The following FNIP2 variants were observed in gnomAD, a reference collection of about 807,000 sequenced individuals.
FNIP2 encodes the protein folliculin-interacting protein 2.
In FNIP2, 32 loss-of-function variants were observed where a neutral mutation model predicts 108.7. The observed-to-expected ratio is 0.29, with a 90% CI of 0.22 to 0.40. The LOEUF (loss-of-function observed/expected upper bound fraction) is 0.40, where lower values mean the gene tolerates loss of function less well. Among genes scored for constraint, FNIP2 ranks in the 10% least tolerant of loss-of-function variants. FNIP2 has a pLI of 1.00. For missense variants in FNIP2, 1,202 were observed against 1,381.6 expected (o/e 0.87, Z 2.06); for synonymous variants, 480 against 496.7 (o/e 0.97, Z 0.45).
chr4:158,818,549 T>C (rs561472749), intron 1 of FNIP2, among the ~76,000 whole-genome samples: 1 of 152,364 alleles, frequency 6.6e-6, no homozygotes, highest in South Asian at 2.1e-4. Flanking sequence ...AGCATAAGTA[T>C]TCATAACTTG....
chr4:158,803,946 T>C (rs1776848677), intron 1 of FNIP2, among the ~76,000 whole-genome samples: 1 of 152,194 alleles, frequency 6.6e-6, no homozygotes, highest in Non-Finnish European at 1.5e-5. Context: ...TGTTTTGTTT[T>C]GTTTTGTTTT....
rs927452025 is a variant in FNIP2, at chr4:158,769,096, C to A, written c.-117C>A. 3 of 249,024 alleles carry A rather than the reference C, an allele frequency of 1.2e-5. No homozygotes were observed. The highest frequency in any genetic ancestry group is 4.7e-5 in the African/African-American group (2 of 42,746). 15.4% of individuals were successfully genotyped at this position (249,024 alleles called of 1,614,324 possible). On this transcript the variant is annotated 5_prime_UTR_variant, in exon 1 of 17. Transcript: ENST00000264433. Reference sequence around the variant, plus strand: ...CTCAGTCGCAGCGGCCCCGCGCTCCCGCAAGGCTGGGCGGCCGCGCCGCCG... The same window carrying A: ...CTCAGTCGCAGCGGCCCCGCGCTCCAGCAAGGCTGGGCGGCCGCGCCGCCG...
intron 1 of FNIP2, among the ~76,000 whole-genome samples, chr4:158,807,364 A>G (rs575701700): frequency 6.6e-6 from 1 of 152,166 alleles, no homozygotes; most frequent in East Asian, 1.9e-4. Flanking sequence ...TTAGCAGGGC[A>G]TGGGGGCATG....
chr4:158,903,517 A>T (rs1729541163), intron 16 of FNIP2, among the ~76,000 whole-genome samples: 1 of 152,130 alleles, frequency 6.6e-6, no homozygotes, highest in Admixed American at 6.5e-5. Flanking sequence ...GTGCATCAAC[A>T]CGTGTAATCA....
chr4:158,773,521 G>T (rs1294464307), intron 1 of FNIP2, among the ~76,000 whole-genome samples: 1 of 152,204 alleles, frequency 6.6e-6, no homozygotes, highest in Non-Finnish European at 1.5e-5. Context: ...TTGTGGTAAG[G>T]AAGTAATGAG....
intron 8 of FNIP2, among the ~76,000 whole-genome samples, chr4:158,855,568 C>T (rs1183118012): frequency 6.6e-6 from 1 of 152,238 alleles, no homozygotes; most frequent in East Asian, 1.9e-4. Context: ...CTGCCTCAGC[C>T]TCCTGAGTAC....
At position 158,893,804 on chromosome 4, in the gene FNIP2, G is replaced by C. The variant is rs902654088; in HGVS notation, c.3151-1946G>C. 1.2e-5 allele frequency: 10 copies of C among 855,614 alleles called. No homozygotes were observed. In the East Asian group the frequency reaches 2.7e-4, roughly 23 times the overall value. 53.0% of individuals were successfully genotyped at this position (855,614 alleles called of 1,614,324 possible). The stretch of plus-strand genomic sequence containing the variant: ...TTATATTTCATTCTATAATACATAC[G>C]TCTTGTCACAGTTGATATCTTGGTT... On this transcript the variant is annotated intron_variant, in intron 15 of 16. Coordinates refer to ENST00000264433, the MANE Select transcript of FNIP2 (RefSeq NM_020840.3).
chr4:158,850,535 G>A (rs567609213), intron 7 of FNIP2, among the ~76,000 whole-genome samples: 2 of 151,138 alleles, frequency 1.3e-5, no homozygotes, highest in African/African-American at 2.4e-5. Context: ...GTAGCAGGAG[G>A]AAGCAGAGAA....
intron 7 of FNIP2, among the ~76,000 whole-genome samples, chr4:158,839,968 C>T (rs1057513530): frequency 1.3e-5 from 2 of 152,160 alleles, no homozygotes; most frequent in African/African-American, 4.8e-5. Context: ...TTGAATATGT[C>T]TTCTTTACAT....
chr4:158,869,678 C>T (rs1005892940), intron 13 of FNIP2, among the ~76,000 whole-genome samples: 4 of 152,176 alleles, frequency 2.6e-5, no homozygotes, highest in Admixed American at 2.6e-4. Flanking sequence ...TTGCAGCTAT[C>T]GTGATCCTTT....
intron 1 of FNIP2, among the ~76,000 whole-genome samples, chr4:158,820,203 C>T (rs1312994875): frequency 6.6e-6 from 1 of 152,076 alleles, no homozygotes; most frequent in African/African-American, 2.4e-5. Flanking sequence ...TCTTTAAACT[C>T]TTTATGTAAA....
At position 158,866,662 on chromosome 4, in the gene FNIP2, G is replaced by C. The variant is rs1780600955; in HGVS notation, c.1466-1440G>C. On this transcript the variant is annotated intron_variant, in intron 12 of 16. Transcript: ENST00000264433. ...GACACCTTGGCTCTCTGCAATGTCT[G>C]CCTCCCGGGTTCAAGTTATTCTCCT... is the stretch of plus-strand genomic sequence containing the variant. Among the ~76,000 whole-genome samples, 4 of 151,944 alleles carry C rather than the reference G, an allele frequency of 2.6e-5. No individual in the cohort carries two copies. In the South Asian group the frequency reaches 8.3e-4, roughly 32 times the overall value.
intron 1 of FNIP2, among the ~76,000 whole-genome samples, chr4:158,812,662 G>C (rs1345658347): frequency 6.6e-6 from 1 of 151,944 alleles, no homozygotes. Context: ...GAATTCCCAT[G>C]TACACCTTGC....
At chr4:158,781,514 TTTTG>T (rs1776045597) in intron 1 of FNIP2, among the ~76,000 whole-genome samples, 1 of 152,102 alleles carries the variant, frequency 6.6e-6, no homozygotes, top group African/African-American at 2.4e-5. Flanking sequence ...GATTTACATT[TTTTG>T]TTTGTTTTTG....
intron 12 of FNIP2, among the ~76,000 whole-genome samples, chr4:158,864,859 C>G (rs1477376761): frequency 1.3e-5 from 2 of 151,990 alleles, no homozygotes; most frequent in Non-Finnish European, 2.9e-5. Context: ...CATTTTGCAC[C>G]TCTCTAACAT....
intron 1 of FNIP2, among the ~76,000 whole-genome samples, chr4:158,787,537 G>A (rs1185903511): frequency 6.6e-6 from 1 of 152,166 alleles, no homozygotes. Flanking sequence ...ATATGGATAG[G>A]CCAAGATGGG....
chr4:158,833,151 TTAAAA>T (rs1778576085), intron 5 of FNIP2, among the ~76,000 whole-genome samples: 1 of 152,218 alleles, frequency 6.6e-6, no homozygotes, highest in Non-Finnish European at 1.5e-5. Flanking sequence ...TGTAAAATAC[TTAAAA>T]TGAATGTCAA....
Position 158,859,092 on chromosome 4 carries a change from C to G in FNIP2, c.893C>G (p.Thr298Ser), listed in dbSNP as rs2276938. The change falls in exon 9 of 17, where the codon ACC (threonine) becomes AGC (serine). Residue 298 changes from threonine (T) to serine (S), a missense_variant. Physicochemically the swap from Thr to Ser is moderately conservative, Grantham distance 58. Around this residue, in one of 5 missense-constraint regions of FNIP2, gnomAD observed 878 missense variants for 990.3 expected, o/e 0.89. Coordinates refer to ENST00000264433, the MANE Select transcript of FNIP2 (RefSeq NM_020840.3). ...TDETFSLAEE[T>S]CSSNPAMVRR... ...GAGACATTCAGCTTGGCTGAAGAAA[C>G]CTGTAGCTCTAATCCAGCTATGGTT... 0.05 allele frequency: 80,465 copies of G among 1,613,808 alleles called. 2,589 individuals are homozygous for G. The highest frequency in any genetic ancestry group is 0.13 in the African/African-American group (9,853 of 75,018).
intron 1 of FNIP2, among the ~76,000 whole-genome samples, chr4:158,802,263 G>A (rs1776788310): frequency 6.6e-6 from 1 of 152,150 alleles, no homozygotes; most frequent in African/African-American, 2.4e-5. Flanking sequence ...CCCGGATAAA[G>A]AGGAGGATCA....
Sources: allele counts gnomAD v4.1 joint callset (sites outside exome capture counted in the v4.1 genomes callset), GRCh38; gene constraint gnomAD v4.1.1; regional missense constraint gnomAD v4.1.1; transcripts MANE v1.5; gene names NCBI Gene and HGNC (gene_info 2026-07-23, HGNC 2026-07-21).